Variants in ULK4 observed in about 807,000 individuals in gnomAD.
ULK4 encodes unc-51 like kinase 4, also known as inactive serine/threonine-protein kinase ULK4.
A neutral mutation model predicts 160.6 loss-of-function variants in ULK4; 133 were observed. The ratio of observed to expected loss-of-function variants is 0.83; its 90% CI spans 0.72 to 0.96. The LOEUF is 0.96. ULK4 is among the 40% of genes least tolerant of loss of function. The pLI is 0.00. For synonymous variants in ULK4, 534 were observed against 539.8 expected (o/e 0.99, Z 0.15); for missense variants, 1,580 against 1,499.5 (o/e 1.05, Z -0.89).
chr3:41,663,013 G>C (rs1329892155), intron 30 of ULK4, among the ~76,000 whole-genome samples: 1 of 152,040 alleles, frequency 6.6e-6, no homozygotes, highest in Non-Finnish European at 1.5e-5. Context: ...CTGAGGTCAG[G>C]AGTTCGAGAC....
intron 34 of ULK4, among the ~76,000 whole-genome samples, chr3:41,441,661 T>G (rs559230739): frequency 7.9e-5 from 12 of 152,142 alleles, no homozygotes; most frequent in Non-Finnish European, 1.6e-4. Context: ...TCCAATAATG[T>G]ATTTCCTTCT....
chr3:41,802,114 A>G (rs1241898364), intron 19 of ULK4, among the ~76,000 whole-genome samples: 1 of 152,192 alleles, frequency 6.6e-6, no homozygotes, highest in Non-Finnish European at 1.5e-5. Flanking sequence ...AAAAGTTGAG[A>G]AAATTCATCA....
intron 22 of ULK4, among the ~76,000 whole-genome samples, chr3:41,737,033 T>C (rs1214176203): frequency 2.0e-5 from 3 of 151,918 alleles, no homozygotes; most frequent in African/African-American, 4.9e-5. Context: ...GAGGGCTCTG[T>C]TCTGTTCCAT....
At position 41,395,429 on chromosome 3, in the gene ULK4, T is replaced by C. The variant is rs903610572; in HGVS notation, c.3678+2650A>G. On this transcript the variant is annotated intron_variant, in intron 35 of 36. Coordinates refer to ENST00000301831, the MANE Select transcript of ULK4 (RefSeq NM_017886.4). ...TTTAAAATGTGGTATACACACACAA[T>C]GGATTATTAGCCCTAAAAACGGAGG... Among the ~76,000 whole-genome samples the C allele has an allele frequency of 5.7e-4, 87 of 152,068 alleles. 1 individual carries two copies. The highest frequency in any genetic ancestry group is 2.0e-3 in the African/African-American group (83 of 41,422).
At chr3:41,437,803 A>G (rs1414470918) in intron 34 of ULK4, among the ~76,000 whole-genome samples, 1 of 152,226 alleles carries the variant, frequency 6.6e-6, no homozygotes, top group African/African-American at 2.4e-5. Flanking sequence ...TAATTAAAAG[A>G]ATTTCAAATA....
At chr3:41,816,028 AT>A (rs1443338830) in intron 19 of ULK4, among the ~76,000 whole-genome samples, 2 of 152,090 alleles carry the variant, frequency 1.3e-5, no homozygotes, top group Non-Finnish European at 2.9e-5. Context: ...AGACAGAAGG[AT>A]TGCTTGAGCC....
intron 35 of ULK4, among the ~76,000 whole-genome samples, chr3:41,379,159 T>A (rs1448080556): frequency 6.6e-6 from 1 of 151,158 alleles, no homozygotes; most frequent in African/African-American, 2.4e-5. Context: ...ACCTATGTAA[T>A]AAACCTGCAC....
rs1000018149 is a variant in ULK4, at chr3:41,655,270, C to T, written c.3071+8337G>A. Among the ~76,000 whole-genome samples, 4 of 150,678 alleles carry T rather than the reference C, an allele frequency of 2.7e-5. No individual in the cohort carries two copies. The South Asian group carries it at 6.3e-4, about 24-fold the overall frequency. ...GAAACCATCATTCTCAGCAAACTAT[C>T]GCAAGGACAAAAAACCAAACACCGC... On this transcript the variant is annotated intron_variant, in intron 30 of 36. Coordinates refer to ENST00000301831, the MANE Select transcript of ULK4 (RefSeq NM_017886.4).
intron 32 of ULK4, among the ~76,000 whole-genome samples, chr3:41,546,769 A>T (rs1360803121): frequency 2.3e-5 from 1 of 43,862 alleles, no homozygotes; most frequent in African/African-American, 5.5e-5. Flanking sequence ...TAGGCCCTTA[A>T]AAAAAAAAAA....
At chr3:41,834,409 A>C (rs1020104269) in intron 18 of ULK4, among the ~76,000 whole-genome samples, 9 of 152,186 alleles carry the variant, frequency 5.9e-5, no homozygotes, top group Admixed American at 5.2e-4. Flanking sequence ...GAAGACTCAA[A>C]ATCGTAACGA....
intron 32 of ULK4, among the ~76,000 whole-genome samples, chr3:41,497,595 T>A: frequency 6.6e-6 from 1 of 152,226 alleles, no homozygotes; most frequent in Non-Finnish European, 1.5e-5. Flanking sequence ...CCTAGGCAAG[T>A]TAAAAGTCAA....
At chr3:41,897,771 C>T (rs1270723657) in intron 14 of ULK4, among the ~76,000 whole-genome samples, 2 of 152,134 alleles carry the variant, frequency 1.3e-5, no homozygotes, top group Non-Finnish European at 2.9e-5. Context: ...AAACCCTTAG[C>T]TGGTTTATTT....
At chr3:41,862,807 C>A (rs1000293036) in intron 17 of ULK4, among the ~76,000 whole-genome samples, 3 of 144,596 alleles carry the variant, frequency 2.1e-5, no homozygotes, top group Admixed American at 6.9e-5. Context: ...CCCTTTCTCT[C>A]TCTCTCTCCC....
intron 35 of ULK4, among the ~76,000 whole-genome samples, chr3:41,294,986 T>C (rs1399214801): frequency 6.6e-6 from 1 of 152,198 alleles, no homozygotes; most frequent in Non-Finnish European, 1.5e-5. Flanking sequence ...AGACCCAGAA[T>C]AGCCAATGCA....
At chr3:41,294,230 G>C (rs543736615) in intron 35 of ULK4, among the ~76,000 whole-genome samples, 1 of 152,184 alleles carries the variant, frequency 6.6e-6, no homozygotes, top group Non-Finnish European at 1.5e-5. Flanking sequence ...GAGTGGGTTT[G>C]CTCTCTTCTG....
rs1453457965 is a variant in ULK4, at chr3:41,492,343, C to T, written c.3227-29090G>A. Among the ~76,000 whole-genome samples the T allele has an allele frequency of 5.9e-5, 9 of 152,104 alleles. No individual in the cohort carries two copies. The South Asian group carries it at 1.7e-3, about 28-fold the overall frequency. On this transcript the variant is annotated intron_variant, in intron 32 of 36. Coordinates refer to ENST00000301831, the MANE Select transcript of ULK4 (RefSeq NM_017886.4). ...CAATGGTTGAACTAGTTTACAGTCC[C>T]GCCAACAGTGTAAAAGTGTTCCTAT...
intron 12 of ULK4, among the ~76,000 whole-genome samples, chr3:41,901,743 G>A (rs1305698358): frequency 1.3e-5 from 2 of 151,986 alleles, no homozygotes; most frequent in East Asian, 3.9e-4. Context: ...GCCTCCCAAA[G>A]TGCTGGGATT....
At chr3:41,899,494 C>T (rs764124833) in intron 13 of ULK4, among the ~76,000 whole-genome samples, 3 of 152,198 alleles carry the variant, frequency 2.0e-5, no homozygotes, top group Admixed American at 1.3e-4. Flanking sequence ...AGAATATTGT[C>T]TAAAGCAAGC....
chr3:41,360,261 A>T (rs1474288807), intron 35 of ULK4, among the ~76,000 whole-genome samples: 1 of 152,190 alleles, frequency 6.6e-6, no homozygotes, highest in African/African-American at 2.4e-5. Context: ...AAAAGTCAAA[A>T]AACAACAATG....
Sources: allele counts gnomAD v4.1 joint callset (sites outside exome capture counted in the v4.1 genomes callset), GRCh38; gene constraint gnomAD v4.1.1; transcripts MANE v1.5; gene names NCBI Gene and HGNC (gene_info 2026-07-23, HGNC 2026-07-21).